CAMK2D: variants seen among roughly 807,000 people sequenced by gnomAD.
The protein encoded by CAMK2D is calcium/calmodulin-dependent protein kinase type II subunit delta.
Under a neutral mutation model 84.0 loss-of-function variants are expected in CAMK2D, and 37 were observed. The observed-to-expected ratio is 0.44, with a 90% CI of 0.34 to 0.58. The LOEUF (loss-of-function observed/expected upper bound fraction) is 0.58. Ranked by LOEUF, CAMK2D falls within the 20% of genes least tolerant of loss-of-function variation. CAMK2D has a pLI of 0.02. For synonymous variants in CAMK2D, 202 were observed against 212.5 expected (o/e 0.95, Z 0.43); for missense variants, 448 against 652.5 (o/e 0.69, Z 3.41).
At chr4:113,512,369 C>T (rs1399126230) in intron 12 of CAMK2D, among the ~76,000 whole-genome samples, 1 of 152,104 alleles carries the variant, frequency 6.6e-6, no homozygotes, top group Non-Finnish European at 1.5e-5. Context: ...TTCTTTAAGC[C>T]TATTATTTAA....
chr4:113,713,717 C>T (rs115272488), intron 2 of CAMK2D, among the ~76,000 whole-genome samples: 10,652 of 151,174 alleles, frequency 0.07, 524 homozygotes, highest in Admixed American at 0.14. Flanking sequence ...TTATCCTTTC[C>T]TCATTTTTTC....
intron 2 of CAMK2D, chr4:113,755,071 T>C: frequency 1.0e-6 from 1 of 984,726 alleles, no homozygotes; most frequent in African/African-American, 1.7e-5. Context: ...GTTGAGAAAT[T>C]ACAGTACTTT....
intron 16 of CAMK2D, among the ~76,000 whole-genome samples, chr4:113,485,400 A>T (rs2097756731): frequency 6.6e-6 from 1 of 152,240 alleles, no homozygotes; most frequent in African/African-American, 2.4e-5. Context: ...TAACTTACTA[A>T]ATAAATGTAA....
chr4:113,528,527 A>G (rs1249093729), intron 8 of CAMK2D, among the ~76,000 whole-genome samples: 1 of 152,120 alleles, frequency 6.6e-6, no homozygotes, highest in East Asian at 1.9e-4. Flanking sequence ...GAGGCTGGAA[A>G]AGGCCTTTGA....
At chr4:113,466,841 T>C (rs2097478133) in intron 16 of CAMK2D, among the ~76,000 whole-genome samples, 1 of 152,256 alleles carries the variant, frequency 6.6e-6, no homozygotes, top group African/African-American at 2.4e-5. Flanking sequence ...TATCTCTTGA[T>C]ACCTTCTTTA....
chr4:113,760,873 C>T, intron 1 of CAMK2D, 131 bp downstream of exon 1: 1 of 1,157,388 alleles, frequency 8.6e-7, no homozygotes, highest in South Asian at 1.3e-5. Flanking sequence ...CCAGAGCTGA[C>T]AAACCAGGGG....
In CAMK2D at chr4:113,761,149, C is replaced by T; in HGVS notation, c.-81G>A. On this transcript the variant is annotated 5_prime_UTR_variant, in exon 1 of 21. Transcript: ENST00000511664. ...GCGCGGCTAACCCCGGGACTGGCCC[C>T]GCGGCGCTGTCACCCAGGGCCGCTC... The T allele has an allele frequency of 1.2e-6, 2 of 1,604,948 alleles. No homozygotes were observed. Among genetic ancestry groups the T allele is most frequent in the Non-Finnish European group, 1.7e-6 (2 of 1,178,418 alleles).
chr4:113,532,609 C>A (rs932725741), intron 7 of CAMK2D, among the ~76,000 whole-genome samples: 1 of 152,162 alleles, frequency 6.6e-6, no homozygotes, highest in Non-Finnish European at 1.5e-5. Flanking sequence ...TCCACTCTCA[C>A]CATCCTTCTC....
At chr4:113,740,795 C>T (rs1055433697) in intron 2 of CAMK2D, among the ~76,000 whole-genome samples, 4 of 152,174 alleles carry the variant, frequency 2.6e-5, no homozygotes, top group Non-Finnish European at 5.9e-5. Context: ...ATGTCACCTT[C>T]ACATCTCCCC....
At chr4:113,517,535 TA>T in intron 9 of CAMK2D, 27 bp downstream of exon 9, 2 of 1,065,408 alleles carry the variant, frequency 1.9e-6, no homozygotes, top group Non-Finnish European at 2.8e-6. Context: ...AACCTTCATC[TA>T]AAGTGATATA....
At chr4:113,744,875 T>C (rs893409605) in intron 2 of CAMK2D, among the ~76,000 whole-genome samples, 8 of 152,206 alleles carry the variant, frequency 5.3e-5, no homozygotes, top group African/African-American at 1.9e-4. Flanking sequence ...GTCTTTTTGA[T>C]AAGTCAGTGT....
chr4:113,740,861 C>G (rs976084250), intron 2 of CAMK2D, among the ~76,000 whole-genome samples: 3 of 152,194 alleles, frequency 2.0e-5, no homozygotes, highest in African/African-American at 7.2e-5. Flanking sequence ...GTTTTGCTTT[C>G]TGAGGTTTCA....
intron 2 of CAMK2D, among the ~76,000 whole-genome samples, chr4:113,712,980 A>T (rs978592185): frequency 6.6e-6 from 1 of 152,064 alleles, no homozygotes; most frequent in Non-Finnish European, 1.5e-5. Context: ...ATGGTATTAT[A>T]CTGTAAGTGT....
intron 2 of CAMK2D, among the ~76,000 whole-genome samples, chr4:113,695,801 T>A (rs951981548): frequency 1.3e-5 from 2 of 152,114 alleles, no homozygotes; most frequent in African/African-American, 4.8e-5. Context: ...CATTGCCTCC[T>A]AAGACAGATA....
chr4:113,472,385 G>C (rs2097557668), intron 16 of CAMK2D, among the ~76,000 whole-genome samples: 1 of 152,192 alleles, frequency 6.6e-6, no homozygotes, highest in Non-Finnish European at 1.5e-5. Flanking sequence ...TTCAGAGTCT[G>C]CATCAGGACC....
At chr4:113,532,203 AAAAGACAATAT>A (rs1471271630) in intron 7 of CAMK2D, among the ~76,000 whole-genome samples, 1 of 152,232 alleles carries the variant, frequency 6.6e-6, no homozygotes, top group Non-Finnish European at 1.5e-5. Context: ...AAGAGGTATT[AAAAGACAATAT>A]ATACAACACA....
At chr4:113,716,878 A>AT (rs2099515338) in intron 2 of CAMK2D, among the ~76,000 whole-genome samples, 1 of 152,150 alleles carries the variant, frequency 6.6e-6, no homozygotes, top group Non-Finnish European at 1.5e-5. Flanking sequence ...ATTTAGGAAT[A>AT]TTTTGCACAC....
chr4:113,504,518 A>G (rs1445480197), intron 14 of CAMK2D, among the ~76,000 whole-genome samples: 1 of 152,262 alleles, frequency 6.6e-6, no homozygotes, highest in Non-Finnish European at 1.5e-5. Flanking sequence ...GAGGGAAACG[A>G]GAACTCTGAA....
At chr4:113,506,254 T>C (rs1461737954) in intron 13 of CAMK2D, among the ~76,000 whole-genome samples, 1 of 152,174 alleles carries the variant, frequency 6.6e-6, no homozygotes, top group Admixed American at 6.5e-5. Flanking sequence ...GAAAGTAACA[T>C]AAATTAATTT....
Sources: gnomAD v4.1 joint callset for allele counts (sites outside exome capture counted in the v4.1 genomes callset) on GRCh38, gnomAD v4.1.1 for gene constraint, MANE v1.5 for transcripts, NCBI Gene and HGNC (gene_info 2026-07-23, HGNC 2026-07-21) for gene names.